AP3S1: variants seen among roughly 807,000 people sequenced by gnomAD.
AP3S1 encodes the protein adaptor related protein complex 3 subunit sigma 1.
Under a neutral mutation model 21.3 loss-of-function variants are expected in AP3S1, and 12 were observed. The ratio of observed to expected loss-of-function variants is 0.56; its 90% CI spans 0.36 to 0.91. AP3S1 has a LOEUF of 0.91. AP3S1 is among the 40% of genes least tolerant of loss of function. The pLI is 0.01. For synonymous variants in AP3S1, 48 were observed against 78.4 expected (o/e 0.61, Z 2.05); for missense variants, 116 against 225.0 (o/e 0.52, Z 3.10).
intron 3 of AP3S1, among the ~76,000 whole-genome samples, chr5:115,889,043 A>C (rs1022461558): frequency 1.3e-5 from 2 of 152,208 alleles, no homozygotes; most frequent in African/African-American, 2.4e-5. Context: ...TCCTCAACAC[A>C]GTACTGTGCT....
intron 3 of AP3S1, among the ~76,000 whole-genome samples, chr5:115,874,601 G>A (rs942013355): frequency 3.9e-5 from 6 of 151,914 alleles, no homozygotes; most frequent in Non-Finnish European, 7.4e-5. Context: ...AGAAAGATAC[G>A]TTCTGACCAT....
intron 1 of AP3S1, among the ~76,000 whole-genome samples, chr5:115,863,913 C>T (rs1002182771): frequency 6.6e-5 from 10 of 152,208 alleles, no homozygotes; most frequent in East Asian, 5.8e-4. Context: ...AGGTAGCAGA[C>T]GAGTTCCCAG....
intron 1 of AP3S1, among the ~76,000 whole-genome samples, chr5:115,850,779 G>C (rs116756285): frequency 6.6e-6 from 1 of 152,156 alleles, no homozygotes; most frequent in African/African-American, 2.4e-5. Flanking sequence ...CACAAAATAG[G>C]ATTCAAAGAG....
intron 2 of AP3S1, among the ~76,000 whole-genome samples, chr5:115,867,074 T>A (rs533818743): frequency 6.6e-6 from 1 of 152,272 alleles, no homozygotes; most frequent in Non-Finnish European, 1.5e-5. Context: ...ACCCAATTTC[T>A]TGTGTATCCT....
Position 115,895,140 on chromosome 5 carries a change from G to A in AP3S1, c.327G>A (p.Leu109=), listed in dbSNP as rs1476387706. ...TTGAAAATGTCTGTGAGCTGGATTT[G>A]ATTTTCCATGTAGACAAGGTACTAT... ...KCFENVCELD[L]IFHVDKVHNI... is the part of the protein sequence containing the mutation. Residue 109 remains leucine (L), a synonymous_variant, in exon 4 of 6, where the codon TTG becomes TTA. Transcript: ENST00000316788. The A allele has an allele frequency of 6.2e-7, 1 of 1,604,692 alleles. No homozygotes were observed. Among genetic ancestry groups the A allele is most frequent in the South Asian group, 1.1e-5 (1 of 89,030 alleles).
Position 115,852,444 on chromosome 5 carries a change from TA to T in AP3S1, c.69+10346del, listed in dbSNP as rs11378932. Among the ~76,000 whole-genome samples, 7 of 151,920 alleles carry T rather than the reference TA, an allele frequency of 4.6e-5. No homozygotes were observed. The East Asian group carries it at 5.8e-4, about 13-fold the overall frequency. The stretch of plus-strand genomic sequence containing the variant: ...TTCTCTGAGAAATTAGCTAACCTTT[TA>T]AAAAAAATCTTAATTAAAATATAGC... On this transcript the variant is annotated intron_variant, in intron 1 of 5. Transcript: ENST00000316788.
intron 1 of AP3S1, chr5:115,842,443 C>A: frequency 4.4e-6 from 1 of 228,602 alleles, no homozygotes. Context: ...CCGCGGAGCC[C>A]TGCGCCCAGT....
In AP3S1 at chr5:115,909,105, T is replaced by C. The variant is rs542058071; in HGVS notation, c.454-4257T>C. 2.7e-5 allele frequency: 12 copies of C among 445,798 alleles called. No individual in the cohort carries two copies. The Admixed American group carries it at 6.4e-4, about 24-fold the overall frequency. The allele number at this position is 445,798 out of a possible 1,614,324, so 27.6% of individuals were successfully genotyped here. ...TTCAAACTTGAAAAAAAAAAAGATA[T>C]TTTAAGATGGTAGGATGGTATTTTA... On this transcript the variant is annotated intron_variant, in intron 5 of 5. Coordinates refer to ENST00000316788, the MANE Select transcript of AP3S1 (RefSeq NM_001284.4).
At chr5:115,869,892 AC>A in intron 2 of AP3S1, 124 bp from the exon 3 acceptor site, 2 of 559,774 alleles carry the variant, frequency 3.6e-6, no homozygotes, top group Non-Finnish European at 6.1e-6. Flanking sequence ...TCACTTAAAT[AC>A]TTTGCCATTG....
At chr5:115,889,819 A>G (rs1415401817) in intron 3 of AP3S1, among the ~76,000 whole-genome samples, 1 of 151,380 alleles carries the variant, frequency 6.6e-6, no homozygotes, top group Non-Finnish European at 1.5e-5. Flanking sequence ...TTAAAAAAAA[A>G]TGATAAAAAG....
At chr5:115,860,340 CCA>C (rs1057033798) in intron 1 of AP3S1, among the ~76,000 whole-genome samples, 1 of 152,206 alleles carries the variant, frequency 6.6e-6, no homozygotes, top group African/African-American at 2.4e-5. Context: ...GTCATGTTAA[CCA>C]CACATATTTA....
At chr5:115,902,506 G>A (rs1239090503) in intron 4 of AP3S1, among the ~76,000 whole-genome samples, 1 of 151,944 alleles carries the variant, frequency 6.6e-6, no homozygotes, top group East Asian at 1.9e-4. Flanking sequence ...CTAAGAATCT[G>A]GCATAAAAGG....
At chr5:115,862,256 A>G (rs575890325) in intron 1 of AP3S1, among the ~76,000 whole-genome samples, 1 of 152,158 alleles carries the variant, frequency 6.6e-6, no homozygotes, top group South Asian at 2.1e-4. Context: ...CAGTAAGTTT[A>G]TTGGGAAGTT....
At chr5:115,854,992 A>ATGTG (rs140506639) in intron 1 of AP3S1, among the ~76,000 whole-genome samples, 1 of 151,416 alleles carries the variant, frequency 6.6e-6, no homozygotes, top group Non-Finnish European at 1.5e-5. Context: ...ATGCTTATAT[A>ATGTG]TGTGTGTGTG....
chr5:115,844,924 C>G (rs957284490), intron 1 of AP3S1, among the ~76,000 whole-genome samples: 9 of 152,186 alleles, frequency 5.9e-5, no homozygotes, highest in Non-Finnish European at 7.4e-5. Context: ...GCAGTCAACA[C>G]TGAGTCTTGA....
chr5:115,887,093 G>A (rs563813422), intron 3 of AP3S1, among the ~76,000 whole-genome samples: 195 of 152,242 alleles, frequency 1.3e-3, no homozygotes, highest in Non-Finnish European at 2.4e-3. Context: ...CTATTGGAGA[G>A]TGTACCTAGG....
rs1752310981 is a variant in AP3S1 at position 115,913,929 on chromosome 5, CAT to C, written c.*440_*441del. 6.5e-6 allele frequency: 1 copy of C among 152,880 alleles called. No homozygotes were observed. The highest frequency in any genetic ancestry group is 6.5e-5 in the Admixed American group (1 of 15,290). 9.5% of individuals were successfully genotyped at this position (152,880 alleles called of 1,614,324 possible). On this transcript the variant is annotated 3_prime_UTR_variant, in exon 6 of 6. Coordinates refer to ENST00000316788, the MANE Select transcript of AP3S1 (RefSeq NM_001284.4). ...GAACCAAGTATGTATTGCATGAAAA[CAT>C]TATGACTTTTTTCTCTTAGTTTAAA...
chr5:115,870,665 A>G (rs1748151382), intron 3 of AP3S1, among the ~76,000 whole-genome samples: 1 of 152,180 alleles, frequency 6.6e-6, no homozygotes, highest in East Asian at 1.9e-4. Context: ...CATTTTCCAG[A>G]CCATTCTTTC....
At chr5:115,858,540 C>T (rs1046948677) in intron 1 of AP3S1, among the ~76,000 whole-genome samples, 2 of 151,986 alleles carry the variant, frequency 1.3e-5, no homozygotes, top group Admixed American at 1.3e-4. Context: ...GTCCTTTGGT[C>T]GTAGAAACTT....
Sources: gnomAD v4.1 joint callset for allele counts (sites outside exome capture counted in the v4.1 genomes callset) on GRCh38, gnomAD v4.1.1 for gene constraint, MANE v1.5 for transcripts, NCBI Gene and HGNC (gene_info 2026-07-23, HGNC 2026-07-21) for gene names.